The following MAGI2 variants were observed in gnomAD, a reference collection of about 807,000 sequenced individuals.
MAGI2 encodes the protein membrane associated guanylate kinase, WW and PDZ domain containing 2.
A neutral mutation model predicts 133.3 loss-of-function variants in MAGI2; 35 were observed. The ratio of observed to expected loss-of-function variants is 0.26; its 90% CI spans 0.20 to 0.35. MAGI2 has a LOEUF of 0.35. Among genes scored for constraint, MAGI2 ranks in the 10% least tolerant of loss-of-function variants. The pLI is 1.00. For missense variants in MAGI2, 1,636 were observed against 1,863.4 expected, an observed-to-expected ratio of 0.88 and a Z score of 2.25; for synonymous variants, 729 against 710.6, an observed-to-expected ratio of 1.03 and a Z score of -0.41.
intron 2 of MAGI2, among the ~76,000 whole-genome samples, chr7:78,668,266 T>C (rs1300584011): frequency 6.6e-6 from 1 of 151,920 alleles, no homozygotes; most frequent in Non-Finnish European, 1.5e-5. Flanking sequence ...TAAATTTCTT[T>C]GAGTTCATTG....
intron 2 of MAGI2, among the ~76,000 whole-genome samples, chr7:78,873,780 C>T (rs1795213739): frequency 6.6e-6 from 1 of 152,008 alleles, no homozygotes; most frequent in Non-Finnish European, 1.5e-5. Flanking sequence ...TGCTATGCAC[C>T]AACAAAGCTA....
At chr7:79,087,199 C>T (rs896353211) in intron 1 of MAGI2, among the ~76,000 whole-genome samples, 19 of 151,786 alleles carry the variant, frequency 1.3e-4, no homozygotes, top group Admixed American at 6.6e-5. Context: ...AATCTAAGAA[C>T]TTTGACAGAA....
chr7:78,567,889 T>C (rs1376533594), intron 3 of MAGI2: 1 of 152,242 alleles, frequency 6.6e-6, no homozygotes, highest in Non-Finnish European at 1.5e-5. Context: ...TAGATCATTT[T>C]CAAAACTCAC....
At chr7:78,740,300 T>G (rs2151250746) in intron 2 of MAGI2, among the ~76,000 whole-genome samples, 1 of 152,368 alleles carries the variant, frequency 6.6e-6, no homozygotes, top group South Asian at 2.1e-4. Flanking sequence ...AAATTGATGT[T>G]TTCTTGTTAC....
At chr7:79,170,598 G>A (rs1265784878) in intron 1 of MAGI2, among the ~76,000 whole-genome samples, 1 of 152,058 alleles carries the variant, frequency 6.6e-6, no homozygotes. Flanking sequence ...TGTTTTCTAA[G>A]CTTCTGGATA....
chr7:78,545,882 A>T (rs1031798413), intron 3 of MAGI2, among the ~76,000 whole-genome samples: 3 of 152,354 alleles, frequency 2.0e-5, no homozygotes, highest in African/African-American at 7.2e-5. Context: ...AAAATGCATT[A>T]ACTTTATGGT....
chr7:78,542,922 C>G (rs1160021635), intron 3 of MAGI2, among the ~76,000 whole-genome samples: 1 of 152,140 alleles, frequency 6.6e-6, no homozygotes, highest in African/African-American at 2.4e-5. Context: ...GGTTTGAAGA[C>G]TAGATTAGAA....
chr7:79,246,999 C>G (rs1005961930), intron 1 of MAGI2, among the ~76,000 whole-genome samples: 8 of 152,088 alleles, frequency 5.3e-5, no homozygotes, highest in African/African-American at 1.9e-4. Flanking sequence ...AGGGGCATGA[C>G]ATATTAAAAG....
intron 6 of MAGI2, among the ~76,000 whole-genome samples, chr7:78,442,841 A>G (rs1341283521): frequency 6.6e-6 from 1 of 152,230 alleles, no homozygotes; most frequent in African/African-American, 2.4e-5. Flanking sequence ...TTAAACAAAC[A>G]GAACAGTAAT....
intron 2 of MAGI2, among the ~76,000 whole-genome samples, chr7:78,843,971 TA>T (rs937106791): frequency 3.4e-5 from 5 of 147,352 alleles, no homozygotes; most frequent in East Asian, 3.9e-4. Context: ...CACAGCTATA[TA>T]AAAAATAATA....
intron 2 of MAGI2, among the ~76,000 whole-genome samples, chr7:78,648,044 T>C (rs1392537071): frequency 1.3e-5 from 2 of 152,096 alleles, no homozygotes; most frequent in Admixed American, 1.3e-4. Flanking sequence ...ATACCTAATG[T>C]AAATGACAAG....
chr7:79,085,288 T>C (rs1816389246), intron 1 of MAGI2, among the ~76,000 whole-genome samples: 1 of 151,874 alleles, frequency 6.6e-6, no homozygotes. Flanking sequence ...GTATTATGGT[T>C]ATTGTATTTT....
chr7:79,304,481 T>A (rs539574616), intron 1 of MAGI2, among the ~76,000 whole-genome samples: 5 of 152,104 alleles, frequency 3.3e-5, no homozygotes, highest in African/African-American at 1.2e-4. Flanking sequence ...CCAGAAAAGA[T>A]AATTTGGCTA....
At chr7:78,302,818 A>T (rs112374552) in intron 9 of MAGI2, among the ~76,000 whole-genome samples, 122 of 152,266 alleles carry the variant, frequency 8.0e-4, no homozygotes, top group African/African-American at 2.8e-3. Flanking sequence ...TCCCCAATTC[A>T]GCTGATGGCA....
intron 7 of MAGI2, among the ~76,000 whole-genome samples, chr7:78,354,910 T>G (rs1245368248): frequency 6.6e-6 from 1 of 152,126 alleles, no homozygotes; most frequent in African/African-American, 2.4e-5. Flanking sequence ...ACAATTCTGT[T>G]AGGTAAGGAC....
intron 1 of MAGI2, among the ~76,000 whole-genome samples, chr7:79,409,065 T>C (rs1047231708): frequency 6.6e-6 from 1 of 152,130 alleles, no homozygotes; most frequent in East Asian, 1.9e-4. Flanking sequence ...GGCTGACAAG[T>C]ATTCAGACAC....
At chr7:78,488,326 C>T (rs904294126) in intron 6 of MAGI2, among the ~76,000 whole-genome samples, 6 of 151,982 alleles carry the variant, frequency 3.9e-5, no homozygotes, top group Non-Finnish European at 8.8e-5. Flanking sequence ...ATGCTTGCGT[C>T]TCTCTCAGGA....
intron 2 of MAGI2, among the ~76,000 whole-genome samples, chr7:78,701,178 G>T (rs73382106): frequency 8.3e-4 from 126 of 151,672 alleles, no homozygotes; most frequent in African/African-American, 2.9e-3. Flanking sequence ...AAAATCAAAG[G>T]TTAAATCTAT....
intron 2 of MAGI2, among the ~76,000 whole-genome samples, chr7:78,859,191 C>G (rs1351993249): frequency 6.6e-6 from 1 of 152,070 alleles, no homozygotes; most frequent in Non-Finnish European, 1.5e-5. Context: ...CACTCTTTAC[C>G]CAATTTGCCC....
Sources: gnomAD v4.1 joint callset for allele counts (sites outside exome capture counted in the v4.1 genomes callset) on GRCh38, gnomAD v4.1.1 for gene constraint, MANE v1.5 for transcripts, NCBI Gene and HGNC (gene_info 2026-07-23, HGNC 2026-07-21) for gene names.